The following CHST8 variants were observed in gnomAD, a reference collection of about 807,000 sequenced individuals.
The protein encoded by CHST8 is GALNAC-4-ST1.
CHST8 carries 10 observed loss-of-function variants against 15.0 expected under a neutral mutation model. The ratio of observed to expected loss-of-function variants is 0.67; its 90% CI spans 0.41 to 1.13. The LOEUF (loss-of-function observed/expected upper bound fraction) is 1.13, where lower values mean the gene tolerates loss of function less well. CHST8 is among the 50% of genes most tolerant of loss of function. The pLI is 0.00. For missense variants in CHST8, 634 were observed against 608.2 expected (o/e 1.04, Z -0.45); for synonymous variants, 259 against 256.6 (o/e 1.01, Z -0.09).
At position 33,772,090 on chromosome 19, in the gene CHST8, G is replaced by A. The variant is rs371215002; in HGVS notation, c.302G>A (p.Arg101Lys). The part of the protein sequence containing the change: ...APDQPQPPLQ[R>K]GTRLRLRQRR... ...GACCAGCCTCAACCCCCGCTGCAGA[G>A]GGGAACCCGTCTGCGGCTCCGCCAG... The change falls in exon 5 of 5, where the codon AGG becomes AAG. Residue 101 changes from arginine to lysine, a missense_variant. Physicochemically the swap from Arg to Lys is conservative, Grantham distance 26. Coordinates refer to ENST00000650847, the MANE Select transcript of CHST8 (RefSeq NM_001127895.2). 1.2e-6 allele frequency: 2 copies of A among 1,612,260 alleles called. No individual in the cohort carries two copies. Among genetic ancestry groups the A allele is most frequent in the Non-Finnish European group, 1.7e-6 (2 of 1,179,698 alleles).
chr19:33,699,884 C>T (rs765907281), intron 3 of CHST8, among the ~76,000 whole-genome samples: 1 of 152,160 alleles, frequency 6.6e-6, no homozygotes, highest in Non-Finnish European at 1.5e-5. Context: ...AATGCCAGGA[C>T]AAATGTCGTG....
intron 3 of CHST8, among the ~76,000 whole-genome samples, chr19:33,694,920 C>T (rs1488259901): frequency 1.4e-5 from 2 of 145,714 alleles, no homozygotes; most frequent in African/African-American, 5.0e-5. Flanking sequence ...TCCCTTCCCT[C>T]CCTTCCCCTC....
At chr19:33,649,715 AC>A (rs1255544218) in intron 1 of CHST8, among the ~76,000 whole-genome samples, 1 of 152,218 alleles carries the variant, frequency 6.6e-6, no homozygotes, top group African/African-American at 2.4e-5. Context: ...TATTCAGTGC[AC>A]AGCAGCCTCT....
At chr19:33,625,363 G>A (rs1360972176) in intron 1 of CHST8, among the ~76,000 whole-genome samples, 1 of 151,618 alleles carries the variant, frequency 6.6e-6, no homozygotes, top group East Asian at 2.0e-4. Context: ...TTACAGGCGT[G>A]AGCTACCGCG....
intron 3 of CHST8, among the ~76,000 whole-genome samples, chr19:33,724,436 C>T (rs1261871791): frequency 1.3e-5 from 2 of 152,362 alleles, no homozygotes; most frequent in East Asian, 3.9e-4. Context: ...CATCCGGGCT[C>T]AGCCAAGGAG....
In CHST8 at chr19:33,772,656, C is replaced by A. The variant is rs758605225; in HGVS notation, c.868C>A (p.Arg290=). The A allele has an allele frequency of 7.4e-6, 12 of 1,613,770 alleles. No individual in the cohort carries two copies. The highest frequency in any genetic ancestry group is 1.0e-5 in the Non-Finnish European group (12 of 1,180,046). ...HPVFGKAILA[R]YRANASREAL... is the part of the protein sequence containing the mutation. Reference sequence around the variant, plus strand: ...GGTCTTCGGCAAGGCCATCCTGGCCCGGTACCGCGCCAATGCCTCTCGGGA... The same window carrying A: ...GGTCTTCGGCAAGGCCATCCTGGCCAGGTACCGCGCCAATGCCTCTCGGGA... The change falls in exon 5 of 5, where the codon CGG becomes AGG. Residue 290 remains arginine (R), a synonymous_variant. Transcript: ENST00000650847.
intron 3 of CHST8, among the ~76,000 whole-genome samples, chr19:33,762,625 C>T (rs1974757863): frequency 6.6e-6 from 1 of 152,266 alleles, no homozygotes; most frequent in Non-Finnish European, 1.5e-5. Context: ...GATTCAGCCC[C>T]TGCAAAGGGA....
chr19:33,659,059 C>CTTTTTTTTTTTTTTTTT (rs71181374), intron 1 of CHST8, among the ~76,000 whole-genome samples: 2 of 78,842 alleles, frequency 2.5e-5, no homozygotes, highest in Non-Finnish European at 4.4e-5. Flanking sequence ...TAGGTAATGA[C>CTTTTTTTTTTTTTTTTT]TTTTTTTTTT....
intron 3 of CHST8, among the ~76,000 whole-genome samples, chr19:33,750,606 G>T (rs970258592): frequency 2.6e-5 from 4 of 152,168 alleles, no homozygotes; most frequent in African/African-American, 9.7e-5. Flanking sequence ...TTCCCATCAG[G>T]GTCCAGAAGT....
intron 2 of CHST8, among the ~76,000 whole-genome samples, chr19:33,682,101 C>T (rs539023546): frequency 4.9e-4 from 74 of 151,952 alleles, no homozygotes; most frequent in African/African-American, 1.7e-3. Flanking sequence ...GTGATCCACC[C>T]GCCTTGGCCT....
chr19:33,737,991 G>C (rs894938602), intron 3 of CHST8, among the ~76,000 whole-genome samples: 1 of 152,124 alleles, frequency 6.6e-6, no homozygotes, highest in African/African-American at 2.4e-5. Context: ...AACTGTAGCT[G>C]AGAAAATAGA....
chr19:33,723,399 G>A (rs978180081), intron 3 of CHST8, among the ~76,000 whole-genome samples: 3 of 152,234 alleles, frequency 2.0e-5, no homozygotes, highest in Non-Finnish European at 4.4e-5. Flanking sequence ...TGAGGGGCCT[G>A]TGTTCATCAT....
chr19:33,634,215 C>T (rs1022982664), intron 1 of CHST8, among the ~76,000 whole-genome samples: 3 of 152,186 alleles, frequency 2.0e-5, no homozygotes, highest in Non-Finnish European at 2.9e-5. Context: ...TCCCACTCCA[C>T]GTCCTGTCCA....
intron 3 of CHST8, among the ~76,000 whole-genome samples, chr19:33,739,673 G>C (rs1045757124): frequency 2.0e-5 from 3 of 152,306 alleles, no homozygotes; most frequent in Middle Eastern, 3.4e-3. Flanking sequence ...CCTTCCATCA[G>C]TCCCAAAACA....
intron 2 of CHST8, among the ~76,000 whole-genome samples, chr19:33,669,821 C>A (rs1434415669): frequency 2.6e-5 from 4 of 152,170 alleles, no homozygotes; most frequent in Non-Finnish European, 5.9e-5. Flanking sequence ...ATGAAGGGAA[C>A]CAACGTAGAT....
At position 33,689,314 on chromosome 19, in the gene CHST8, T is replaced by C; in HGVS notation, c.53T>C (p.Leu18Pro). Residue 18 changes from leucine to proline, a missense_variant, in exon 3 of 5, where the codon CTG becomes CCG. By Grantham distance (98) the Leu-to-Pro change is moderately conservative. Coordinates refer to ENST00000650847, the MANE Select transcript of CHST8 (RefSeq NM_001127895.2). The stretch of plus-strand genomic sequence containing the variant: ...CTGGCCTGCATGTTCTCTTCCATCC[T>C]GCTGTTCGGAGCTGCAGGCCTCCTC... ...MRLACMFSSI[L>P]LFGAAGLLLF... is the part of the protein sequence containing the mutation. The C allele has an allele frequency of 6.2e-7, 1 of 1,609,766 alleles. No individual in the cohort carries two copies. The highest frequency in any genetic ancestry group is 8.5e-7 in the Non-Finnish European group (1 of 1,178,588).
intron 2 of CHST8, among the ~76,000 whole-genome samples, chr19:33,675,216 C>T (rs1972793862): frequency 6.6e-6 from 1 of 152,126 alleles, no homozygotes; most frequent in African/African-American, 2.4e-5. Context: ...GCACCACCCC[C>T]AGCACAGAGC....
At chr19:33,680,643 T>C (rs1182265804) in intron 2 of CHST8, among the ~76,000 whole-genome samples, 1 of 152,262 alleles carries the variant, frequency 6.6e-6, no homozygotes, top group Non-Finnish European at 1.5e-5. Flanking sequence ...TTAATAATTG[T>C]TTGCATTTTT....
chr19:33,757,879 A>G (rs1014927282), intron 3 of CHST8, among the ~76,000 whole-genome samples: 2 of 152,112 alleles, frequency 1.3e-5, no homozygotes, highest in African/African-American at 4.8e-5. Flanking sequence ...TGACCCCTCA[A>G]AGAAGCTGGT....
Sources: gnomAD v4.1 joint callset for allele counts (sites outside exome capture counted in the v4.1 genomes callset) on GRCh38, gnomAD v4.1.1 for gene constraint, MANE v1.5 for transcripts, NCBI Gene and HGNC (gene_info 2026-07-23, HGNC 2026-07-21) for gene names.